The following TANC1 variants were observed in gnomAD, a reference collection of about 807,000 sequenced individuals.
TANC1 encodes the protein tetratricopeptide repeat, ankyrin repeat and coiled-coil containing 1.
TANC1 carries 77 observed loss-of-function variants against 149.7 expected under a neutral mutation model. The observed-to-expected ratio is 0.51, with a 90% CI of 0.43 to 0.62. The LOEUF is 0.62. Ranked by LOEUF, TANC1 falls within the 20% of genes least tolerant of loss-of-function variation. The probability of loss-of-function intolerance (pLI) is 0.00; values close to 1 mark genes in which losing one functional copy is unlikely to be tolerated. For synonymous variants in TANC1, 854 were observed against 925.0 expected, an observed-to-expected ratio of 0.92 and a Z score of 1.39; for missense variants, 1,985 against 2,321.8, an observed-to-expected ratio of 0.85 and a Z score of 2.98.
At chr2:159,165,864 A>G (rs376294730) in intron 8 of TANC1, among the ~76,000 whole-genome samples, 49 of 152,336 alleles carry the variant, frequency 3.2e-4, no homozygotes, top group African/African-American at 1.1e-3. Flanking sequence ...GCTGGCCCCT[A>G]GGGGATTGGG....
chr2:159,218,584 G>T (rs1005771909), intron 20 of TANC1, among the ~76,000 whole-genome samples: 3 of 152,316 alleles, frequency 2.0e-5, no homozygotes, highest in South Asian at 4.1e-4. Flanking sequence ...GCTAAGCTAC[G>T]GGTGAAGCAG....
intron 13 of TANC1, among the ~76,000 whole-genome samples, chr2:159,178,326 T>C (rs940601544): frequency 6.6e-6 from 1 of 152,232 alleles, no homozygotes; most frequent in African/African-American, 2.4e-5. Flanking sequence ...GGTCCTTGGA[T>C]GAGGGCCTCA....
At chr2:159,129,572 T>G (rs557909278) in intron 4 of TANC1, among the ~76,000 whole-genome samples, 1 of 151,552 alleles carries the variant, frequency 6.6e-6, no homozygotes, top group Non-Finnish European at 1.5e-5. Flanking sequence ...GTTTTGTTGT[T>G]TTTTTTTTCT....
At position 159,228,824 on chromosome 2, in the gene TANC1, C is replaced by T; in HGVS notation, c.4079C>T (p.Ser1360Phe). The T allele has an allele frequency of 6.2e-7, 1 of 1,614,164 alleles. No homozygotes were observed. The highest frequency in any genetic ancestry group is 8.5e-7 in the Non-Finnish European group (1 of 1,180,000). The change falls in exon 26 of 27, where the codon TCC (serine) becomes TTC (phenylalanine). Residue 1360 changes from serine (S) to phenylalanine (F), a missense_variant. This residue lies in a region of TANC1 where 920 missense variants were observed against 994.7 expected (regional missense o/e 0.92). Transcript: ENST00000263635. ...NDFGMAEEFA[S>F]KALELKPKSY... ...TTTGGCATGGCAGAGGAATTTGCTT[C>T]CAAGGCTCTCGAATTGAAGCCCAAG...
intron 19 of TANC1, among the ~76,000 whole-genome samples, chr2:159,206,774 C>T (rs1463424772): frequency 2.0e-5 from 3 of 152,138 alleles, no homozygotes; most frequent in African/African-American, 7.2e-5. Flanking sequence ...GAAATGCCCC[C>T]TTTTTACACT....
Position 159,130,606 on chromosome 2 carries a change from G to A in TANC1, c.260-5588G>A, listed in dbSNP as rs1574861854. 2.0e-5 allele frequency among the ~76,000 whole-genome samples: 3 copies of A among 152,306 alleles called. No individual in the cohort carries two copies. In the East Asian group the frequency reaches 5.8e-4, roughly 29 times the overall value. On this transcript the variant is annotated intron_variant, in intron 4 of 26. Coordinates refer to ENST00000263635, the MANE Select transcript of TANC1 (RefSeq NM_033394.3). ...GGCCTGCAGTTGTTCTGTAGCCGCAGCCTGCTTAGCTGCCCACATCATGGG... is the reference window on the plus strand; with the variant it reads ...GGCCTGCAGTTGTTCTGTAGCCGCAACCTGCTTAGCTGCCCACATCATGGG...
intron 19 of TANC1, among the ~76,000 whole-genome samples, chr2:159,201,474 G>A (rs2058244964): frequency 1.3e-5 from 2 of 152,186 alleles, no homozygotes; most frequent in Admixed American, 1.3e-4. Flanking sequence ...CAAGCCATGG[G>A]CCCCGGGATT....
intron 5 of TANC1, chr2:159,148,892 C>T (rs138268267): frequency 5.1e-4 from 168 of 330,970 alleles, no homozygotes; most frequent in African/African-American, 3.2e-3. Flanking sequence ...TAGGAATTGC[C>T]GTCAGATAAC....
At chr2:159,166,765 G>A (rs931720844) in intron 8 of TANC1, among the ~76,000 whole-genome samples, 2 of 152,222 alleles carry the variant, frequency 1.3e-5, no homozygotes, top group Non-Finnish European at 2.9e-5. Flanking sequence ...AAATCTTCCT[G>A]CCCTATTCAC....
chr2:159,206,038 A>G (rs1293317202), intron 19 of TANC1, among the ~76,000 whole-genome samples: 2 of 151,800 alleles, frequency 1.3e-5, no homozygotes, highest in African/African-American at 4.8e-5. Flanking sequence ...TGTTCTAAGA[A>G]GGTTCAGTAA....
chr2:158,994,590 G>C (rs1168327299), intron 1 of TANC1, among the ~76,000 whole-genome samples: 1 of 152,156 alleles, frequency 6.6e-6, no homozygotes, highest in Non-Finnish European at 1.5e-5. Context: ...TATTTTAAGA[G>C]TACAAAGTAG....
intron 2 of TANC1, among the ~76,000 whole-genome samples, chr2:159,054,476 T>TA (rs1429132202): frequency 1.3e-5 from 2 of 152,150 alleles, no homozygotes; most frequent in African/African-American, 4.8e-5. Flanking sequence ...GGGGAGGTTA[T>TA]AACCTTGTTC....
chr2:159,037,336 C>G lies in TANC1; in HGVS notation c.-15-28560C>G, dbSNP rs560227515. Among the ~76,000 whole-genome samples the G allele has an allele frequency of 2.3e-3, 348 of 152,224 alleles. 3 individuals are homozygous for G. The highest frequency in any genetic ancestry group is 7.8e-3 in the African/African-American group (322 of 41,542). On this transcript the variant is annotated intron_variant, in intron 2 of 26. Transcript: ENST00000263635. Reference sequence around the variant, plus strand: ...TGCCAGTTCACTCTGATGGTAGTTTCTTTTGCTGTGCAGAAGCTCTTTAGT... The same window carrying G: ...TGCCAGTTCACTCTGATGGTAGTTTGTTTTGCTGTGCAGAAGCTCTTTAGT...
chr2:158,983,694 C>T (rs2034688140), intron 1 of TANC1, among the ~76,000 whole-genome samples: 1 of 152,008 alleles, frequency 6.6e-6, no homozygotes, highest in Non-Finnish European at 1.5e-5. Flanking sequence ...GTCTATTGTA[C>T]TGTGCTCAAG....
chr2:158,969,729 T>C (rs763034453), intron 1 of TANC1, among the ~76,000 whole-genome samples: 3 of 152,212 alleles, frequency 2.0e-5, no homozygotes, highest in Non-Finnish European at 2.9e-5. Flanking sequence ...ACTGGACTTA[T>C]TGTGTAAAGC....
At chr2:158,984,580 A>C (rs529627193) in intron 1 of TANC1, among the ~76,000 whole-genome samples, 2 of 152,302 alleles carry the variant, frequency 1.3e-5, no homozygotes, top group African/African-American at 4.8e-5. Flanking sequence ...GTCATTGTGC[A>C]CTTCAGGGTT....
chr2:159,075,108 G>C (rs1461078978), intron 3 of TANC1, among the ~76,000 whole-genome samples: 4 of 151,994 alleles, frequency 2.6e-5, no homozygotes, highest in Non-Finnish European at 4.4e-5. Context: ...CGATACCCTG[G>C]AGAATTGGTC....
chr2:159,116,115 TATG>T (rs1381916839), intron 4 of TANC1, among the ~76,000 whole-genome samples: 1 of 151,996 alleles, frequency 6.6e-6, no homozygotes, highest in African/African-American at 2.4e-5. Flanking sequence ...GAAGGTCAAG[TATG>T]ATAAGGAATG....
At chr2:159,115,873 G>T (rs753134917) in intron 4 of TANC1, among the ~76,000 whole-genome samples, 4 of 152,156 alleles carry the variant, frequency 2.6e-5, no homozygotes, top group Non-Finnish European at 5.9e-5. Flanking sequence ...TTCAGCCCTC[G>T]TTGGTCCTGG....
Sources: gnomAD v4.1 joint callset for allele counts (sites outside exome capture counted in the v4.1 genomes callset) on GRCh38, gnomAD v4.1.1 for gene constraint, gnomAD v4.1.1 regional missense constraint, MANE v1.5 for transcripts, NCBI Gene and HGNC (gene_info 2026-07-23, HGNC 2026-07-21) for gene names.